The following STAG1 variants were observed in gnomAD, a reference collection of about 807,000 sequenced individuals.
STAG1 encodes STAG1 cohesin complex component, also known as cohesin subunit SA-1.
Under a neutral mutation model 170.9 loss-of-function variants are expected in STAG1, and 26 were observed. The ratio of observed to expected loss-of-function variants is 0.15; its 90% confidence interval spans 0.11 to 0.21. STAG1 has a LOEUF of 0.21. Ranked by LOEUF, STAG1 falls within the 10% of genes least tolerant of loss-of-function variation. STAG1 has a pLI of 1.00. For synonymous variants in STAG1, 514 were observed against 497.7 expected, an observed-to-expected ratio of 1.03 and a Z score of -0.44; for missense variants, 964 against 1,509.5, an observed-to-expected ratio of 0.64 and a Z score of 5.99.
intron 22 of STAG1, among the ~76,000 whole-genome samples, chr3:136,383,496 G>A (rs747540737): frequency 3.0e-4 from 45 of 152,026 alleles, no homozygotes; most frequent in South Asian, 1.7e-3. Flanking sequence ...AAGTAAATAT[G>A]CTTAACTTAC....
intron 4 of STAG1, among the ~76,000 whole-genome samples, chr3:136,586,361 A>G (rs1256794473): frequency 6.6e-6 from 1 of 152,176 alleles, no homozygotes; most frequent in Non-Finnish European, 1.5e-5. Context: ...ATATAGGGAT[A>G]AAGCCTTTGG....
chr3:136,608,074 T>C (rs975186319), intron 3 of STAG1, among the ~76,000 whole-genome samples: 11 of 152,104 alleles, frequency 7.2e-5, no homozygotes, highest in Admixed American at 2.0e-4. Flanking sequence ...CTGGCCAACA[T>C]GGCAAAACCC....
intron 30 of STAG1, 67 bp from the exon 31 acceptor site, chr3:136,341,618 T>TAAGAAAGCC: frequency 1.9e-6 from 2 of 1,041,492 alleles, no homozygotes; most frequent in Non-Finnish European, 3.0e-6. Context: ...AGCCCCAAGC[T>TAAGAAAGCC]AAGAAAGCCA....
At chr3:136,676,332 C>T (rs992581630) in intron 1 of STAG1, among the ~76,000 whole-genome samples, 4 of 152,184 alleles carry the variant, frequency 2.6e-5, no homozygotes, top group Non-Finnish European at 4.4e-5. Flanking sequence ...TCAATAATGT[C>T]TTAACCTTAA....
At chr3:136,464,006 AATGTTTAC>A (rs2089370447) in intron 13 of STAG1, among the ~76,000 whole-genome samples, 1 of 151,110 alleles carries the variant, frequency 6.6e-6, no homozygotes, top group African/African-American at 2.4e-5. Context: ...GTACATCCTA[AATGTTTAC>A]ATGCATACAC....
chr3:136,363,200 C>T (rs1244782935), intron 26 of STAG1, among the ~76,000 whole-genome samples, 166 bp downstream of exon 26: 2 of 152,072 alleles, frequency 1.3e-5, no homozygotes, highest in African/African-American at 4.8e-5. Context: ...AAAGAAAAGA[C>T]ACCTAACCTA....
intron 15 of STAG1, among the ~76,000 whole-genome samples, chr3:136,436,945 T>C (rs1300614223): frequency 6.6e-6 from 1 of 152,262 alleles, no homozygotes; most frequent in Non-Finnish European, 1.5e-5. Context: ...TGTCCATCTG[T>C]ATCCGAATGA....
In STAG1 at chr3:136,565,007, AAGGAAGGC is replaced by A. The variant is rs1224563215; in HGVS notation, c.394+3750_394+3757del. Among the ~76,000 whole-genome samples, 150 of 54,244 alleles carry A rather than the reference AAGGAAGGC, an allele frequency of 2.8e-3. 2 individuals carry two copies. The highest frequency in any genetic ancestry group is 0.014 in the African/African-American group (129 of 9,240). The allele number at this position is 54,244 out of a possible 152,430, so 35.6% of individuals were successfully genotyped here. A position where few individuals can be genotyped will look rare whatever the true frequency, so the allele number is the denominator to read the frequency against. Reference sequence around the variant, plus strand: ...GAAGGAAGGAAGGAAGGAAGGAAGGAAGGAAGGCAGGCAGGCAGGCAGGCAGGCAGGCA... The same window carrying A: ...GAAGGAAGGAAGGAAGGAAGGAAGGAAGGCAGGCAGGCAGGCAGGCAGGCA... On this transcript the variant is annotated intron_variant, in intron 5 of 33. Coordinates refer to ENST00000383202, the MANE Select transcript of STAG1 (RefSeq NM_005862.3).
Position 136,422,956 on chromosome 3 carries a change from G to T in STAG1, c.1739C>A (p.Ser580Ter). ...AAACTGTAAATGAAACTGTACCTTT[G>T]ACAGTAACATAGGAAGTGTAATAAT... ...HFIITLPMLL[S>*]KYSADAEKVA... Residue 580 changes from serine (S) to a stop codon, truncating the protein, a stop_gained, in exon 17 of 34, where the codon TCA (serine) becomes TAA (stop). Transcript: ENST00000383202. LOFTEE classifies it high-confidence loss of function. 1 of 1,598,462 alleles carries T rather than the reference G, an allele frequency of 6.3e-7. No homozygotes were observed. The highest frequency in any genetic ancestry group is 8.5e-7 in the Non-Finnish European group (1 of 1,170,856).
At chr3:136,695,063 A>C (rs1306450336) in intron 1 of STAG1, among the ~76,000 whole-genome samples, 2 of 152,188 alleles carry the variant, frequency 1.3e-5, no homozygotes, top group Non-Finnish European at 2.9e-5. Context: ...TGAAGATACC[A>C]ACTAAGGTAT....
chr3:136,657,189 CTTTTTTTTTTTTTTT>C lies in STAG1; in HGVS notation c.-83-26223_-83-26209del, dbSNP rs67826395. On this transcript the variant is annotated intron_variant, in intron 1 of 33. Coordinates refer to ENST00000383202, the MANE Select transcript of STAG1 (RefSeq NM_005862.3). ...TCCTCTCCTACACGTTTCTTTCTTT[CTTTTTTTTTTTTTTT>C]TTTTTTTTTTTTGAGACAAAGTTTC... Among the ~76,000 whole-genome samples, 36 of 92,264 alleles carry C rather than the reference CTTTTTTTTTTTTTTT, an allele frequency of 3.9e-4. No individual in the cohort carries two copies. The Admixed American group carries it at 4.4e-3, about 11-fold the overall frequency. The allele number at this position is 92,264 out of a possible 152,430, so 60.5% of individuals were successfully genotyped here.
chr3:136,621,622 T>G (rs1238528359), intron 3 of STAG1, among the ~76,000 whole-genome samples: 5 of 152,176 alleles, frequency 3.3e-5, no homozygotes, highest in Non-Finnish European at 7.4e-5. Flanking sequence ...ATTTTTTTCC[T>G]TTAAATAAAA....
At chr3:136,356,090 G>A (rs1412475605) in intron 28 of STAG1, among the ~76,000 whole-genome samples, 1 of 141,836 alleles carries the variant, frequency 7.1e-6, no homozygotes, top group Non-Finnish European at 1.5e-5. Context: ...CAGTCTCACT[G>A]TCTTGCCCAG....
At position 136,343,922 on chromosome 3, in the gene STAG1, G is replaced by A; in HGVS notation, c.3356C>T (p.Ser1119Phe). The A allele has an allele frequency of 6.2e-7, 1 of 1,611,886 alleles. No individual in the cohort carries two copies. Among genetic ancestry groups the A allele is most frequent in the Non-Finnish European group, 8.5e-7 (1 of 1,179,030 alleles). Residue 1119 changes from serine (S) to phenylalanine (F), a missense_variant, in exon 30 of 34, where the codon TCC (serine) becomes TTC (phenylalanine). Around this residue, in one of 11 missense-constraint regions of STAG1, gnomAD observed 122 missense variants for 129.0 expected, o/e 0.95. Coordinates refer to ENST00000383202, the MANE Select transcript of STAG1 (RefSeq NM_005862.3). ...PGPLPAPQLT[S>F]TVLRENSRPM... ...CCGACTGTTCTCCCGCAGTACAGTG[G>A]ATGTGAGTTGTGGTGCTGGCAGGGG...
At chr3:136,527,550 C>T (rs1212719574) in intron 6 of STAG1, among the ~76,000 whole-genome samples, 1 of 152,098 alleles carries the variant, frequency 6.6e-6, no homozygotes, top group African/African-American at 2.4e-5. Flanking sequence ...CCTCCTTTAG[C>T]TCAGAAAAGT....
At chr3:136,629,582 G>C (rs1940246351) in intron 2 of STAG1, among the ~76,000 whole-genome samples, 2 of 151,852 alleles carry the variant, frequency 1.3e-5, no homozygotes, top group Non-Finnish European at 1.5e-5. Context: ...CCATATGTCG[G>C]CGAAAGGACA....
At chr3:136,400,904 T>A (rs974284831) in intron 21 of STAG1, among the ~76,000 whole-genome samples, 1 of 152,210 alleles carries the variant, frequency 6.6e-6, no homozygotes, top group Admixed American at 6.5e-5. Context: ...GCAAATCTCT[T>A]TAATGTCTGT....
chr3:136,473,401 TG>T, intron 11 of STAG1, 137 bp downstream of exon 11: 1 of 607,410 alleles, frequency 1.6e-6, no homozygotes, highest in South Asian at 2.1e-5. Context: ...AACTGGTCCC[TG>T]GTGCCAAAAA....
At chr3:136,738,666 A>C (rs774475364) in intron 1 of STAG1, among the ~76,000 whole-genome samples, 6 of 152,080 alleles carry the variant, frequency 3.9e-5, no homozygotes, top group Non-Finnish European at 7.4e-5. Context: ...CCTCTCCCCC[A>C]AAAAAAGTAT....
Sources: gnomAD v4.1 joint callset for allele counts (sites outside exome capture counted in the v4.1 genomes callset) on GRCh38, gnomAD v4.1.1 for gene constraint, gnomAD v4.1.1 regional missense constraint, MANE v1.5 for transcripts, NCBI Gene and HGNC (gene_info 2026-07-23, HGNC 2026-07-21) for gene names.